The following MDGA2 variants were observed in gnomAD, a reference collection of about 807,000 sequenced individuals.
MDGA2 encodes the protein MAM domain containing glycosylphosphatidylinositol anchor 2.
MDGA2 carries 40 observed loss-of-function variants against 117.8 expected under a neutral mutation model. The observed-to-expected ratio is 0.34, with a 90% CI of 0.26 to 0.44. MDGA2 has a LOEUF of 0.44. Ranked by LOEUF, MDGA2 falls within the 20% of genes least tolerant of loss-of-function variation. The probability of loss-of-function intolerance (pLI) is 1.00; values close to 1 mark genes in which losing one functional copy is unlikely to be tolerated. For synonymous variants in MDGA2, 452 were observed against 439.0 expected (o/e 1.03, Z -0.37); for missense variants, 1,123 against 1,250.6 (o/e 0.90, Z 1.54).
At chr14:47,380,487 G>GAAGAA (rs150887298) in intron 1 of MDGA2, among the ~76,000 whole-genome samples, 109,085 of 151,068 alleles carry the variant, frequency 0.72, 39,598 homozygotes, top group Middle Eastern at 0.81. Context: ...AACTAATAAA[G>GAAGAA]AAGAGAGAAG....
chr14:47,332,374 C>G (rs976616382), intron 1 of MDGA2, among the ~76,000 whole-genome samples: 1 of 151,934 alleles, frequency 6.6e-6, no homozygotes, highest in Admixed American at 6.6e-5. Context: ...TTCAGACATG[C>G]TGTTGAATCC....
At chr14:47,048,204 T>G (rs556824585) in intron 7 of MDGA2, among the ~76,000 whole-genome samples, 1 of 152,144 alleles carries the variant, frequency 6.6e-6, no homozygotes, top group East Asian at 1.9e-4. Flanking sequence ...GGTGTTGCCA[T>G]GAAAACCAGG....
chr14:47,255,918 T>A (rs925025829), intron 2 of MDGA2, among the ~76,000 whole-genome samples: 2 of 152,014 alleles, frequency 1.3e-5, no homozygotes, highest in Admixed American at 1.3e-4. Flanking sequence ...TGTTAACTGA[T>A]GTTATCCCAT....
At chr14:47,397,714 T>C (rs1026407466) in intron 1 of MDGA2, among the ~76,000 whole-genome samples, 3 of 152,060 alleles carry the variant, frequency 2.0e-5, no homozygotes, top group Admixed American at 6.6e-5. Flanking sequence ...CATGCAAACA[T>C]AGAGATATTT....
At chr14:46,857,203 T>C (rs1471987556) in intron 14 of MDGA2, among the ~76,000 whole-genome samples, 1 of 152,248 alleles carries the variant, frequency 6.6e-6, no homozygotes, top group Non-Finnish European at 1.5e-5. Context: ...TTTCCACTTA[T>C]TTCCATTTCT....
intron 1 of MDGA2, among the ~76,000 whole-genome samples, chr14:47,398,631 C>G (rs1238079208): frequency 7.2e-5 from 11 of 152,026 alleles, no homozygotes; most frequent in Admixed American, 7.2e-4. Flanking sequence ...TCTATGGACA[C>G]ACAACGTTTA....
intron 1 of MDGA2, among the ~76,000 whole-genome samples, chr14:47,639,986 A>G (rs532194880): frequency 1.4e-4 from 22 of 152,210 alleles, no homozygotes; most frequent in Non-Finnish European, 2.4e-4. Flanking sequence ...AGGTAAGTAT[A>G]TATCTGCTGA....
intron 1 of MDGA2, among the ~76,000 whole-genome samples, chr14:47,403,061 T>A (rs553216463): frequency 6.6e-6 from 1 of 152,158 alleles, no homozygotes; most frequent in Non-Finnish European, 1.5e-5. Flanking sequence ...CAGCAGACTT[T>A]CTCTCCACAC....
chr14:47,310,750 G>A (rs1378085493), intron 1 of MDGA2, among the ~76,000 whole-genome samples: 4 of 152,010 alleles, frequency 2.6e-5, no homozygotes, highest in African/African-American at 4.8e-5. Flanking sequence ...CTAGGTCATA[G>A]AGTATAAAAC....
chr14:47,415,519 A>G (rs1892456820), intron 1 of MDGA2, among the ~76,000 whole-genome samples: 1 of 152,102 alleles, frequency 6.6e-6, no homozygotes, highest in Admixed American at 6.6e-5. Context: ...CTATTTTATT[A>G]CTATTATTGT....
At chr14:46,947,955 T>G (rs1885233318) in intron 9 of MDGA2, among the ~76,000 whole-genome samples, 1 of 152,056 alleles carries the variant, frequency 6.6e-6, no homozygotes, top group Non-Finnish European at 1.5e-5. Flanking sequence ...TCACACCTCT[T>G]AAGACTTTAC....
intron 1 of MDGA2, among the ~76,000 whole-genome samples, chr14:47,611,017 G>C (rs906617787): frequency 3.9e-5 from 6 of 152,014 alleles, no homozygotes; most frequent in African/African-American, 7.2e-5. Context: ...TAGGCACATA[G>C]GCCAATGGAA....
At chr14:46,863,348 G>T (rs1482955597) in intron 14 of MDGA2, among the ~76,000 whole-genome samples, 1 of 152,196 alleles carries the variant, frequency 6.6e-6, no homozygotes, top group African/African-American at 2.4e-5. Flanking sequence ...ACCTCAAAAA[G>T]ATGATGAACT....
intron 1 of MDGA2, among the ~76,000 whole-genome samples, chr14:47,579,480 A>C (rs182210456): frequency 6.6e-6 from 1 of 152,116 alleles, no homozygotes; most frequent in African/African-American, 2.4e-5. Flanking sequence ...TTTTTTAGTA[A>C]TTTTATGATA....
intron 6 of MDGA2, among the ~76,000 whole-genome samples, chr14:47,068,067 C>T (rs562966574): frequency 2.7e-4 from 41 of 152,036 alleles, no homozygotes; most frequent in Admixed American, 7.2e-4. Context: ...TAGAGTCAGA[C>T]GATGAAATGA....
In MDGA2 at chr14:47,144,107, C is replaced by T; in HGVS notation, c.763G>A (p.Val255Ile). ...EVLLQGSDKGVEIYEPFFTQG... is the reference protein window; with the variant it reads ...EVLLQGSDKGIEIYEPFFTQG... ...GTAAAGAATGGTTCATAAATCTCAA[C>T]TCCTTTATCAGATCCTTGCAGCAAG... The change falls in exon 4 of 17, where the codon GTT becomes ATT. Residue 255 changes from valine to isoleucine, a missense_variant. By Grantham distance (29) the Val-to-Ile change is conservative. Coordinates refer to ENST00000399232, the MANE Select transcript of MDGA2 (RefSeq NM_001113498.3). The T allele has an allele frequency of 6.5e-7, 1 of 1,549,774 alleles. No homozygotes were observed. The highest frequency in any genetic ancestry group is 8.7e-7 in the Non-Finnish European group (1 of 1,146,030).
Position 46,953,643 on chromosome 14 carries a change from C to G in MDGA2, c.2089+3731G>C, listed in dbSNP as rs573243917. On this transcript the variant is annotated intron_variant, in intron 9 of 16. Transcript: ENST00000399232. The stretch of plus-strand genomic sequence containing the variant: ...CACATTATTGTCTTGCCTGACTTGT[C>G]AAGAAATATTAGTCTCCCGATGCCC... Among the ~76,000 whole-genome samples, 9 of 151,802 alleles carry G rather than the reference C, an allele frequency of 5.9e-5. 1 individual carries two copies. In the South Asian group the frequency reaches 1.9e-3, roughly 32 times the overall value.
intron 10 of MDGA2, among the ~76,000 whole-genome samples, chr14:46,910,840 G>C (rs1327203234): frequency 6.6e-6 from 1 of 152,140 alleles, no homozygotes; most frequent in African/African-American, 2.4e-5. Flanking sequence ...TATATCCTTT[G>C]CGGGGACACG....
At chr14:46,964,376 G>A (rs920135351) in intron 8 of MDGA2, among the ~76,000 whole-genome samples, 4 of 152,166 alleles carry the variant, frequency 2.6e-5, no homozygotes, top group Non-Finnish European at 5.9e-5. Flanking sequence ...TGAAACAGAT[G>A]CCTTCTATCC....
Sources: gnomAD v4.1 joint callset for allele counts (sites outside exome capture counted in the v4.1 genomes callset) on GRCh38, gnomAD v4.1.1 for gene constraint, MANE v1.5 for transcripts, NCBI Gene and HGNC (gene_info 2026-07-23, HGNC 2026-07-21) for gene names.